Variants in SUPT3H observed in about 807,000 individuals in gnomAD.
SUPT3H encodes SPT3 homolog, SAGA and STAGA complex component, also known as transcription initiation protein SPT3 homolog.
In SUPT3H, 44 loss-of-function variants were observed where a neutral mutation model predicts 44.3. That is an observed-to-expected ratio of 0.99 (90% confidence interval 0.78 to 1.28). The LOEUF (loss-of-function observed/expected upper bound fraction) is 1.28. SUPT3H is among the 50% of genes most tolerant of loss of function. The probability of loss-of-function intolerance (pLI) is 0.00; values close to 1 mark genes in which losing one functional copy is unlikely to be tolerated. For missense variants in SUPT3H, 380 were observed against 387.1 expected (o/e 0.98, Z 0.15); for synonymous variants, 124 against 125.6 (o/e 0.99, Z 0.09).
intron 2 of SUPT3H, among the ~76,000 whole-genome samples, chr6:45,342,773 A>G (rs919954122): frequency 2.6e-5 from 4 of 152,182 alleles, no homozygotes; most frequent in Non-Finnish European, 4.4e-5. Flanking sequence ...TCCTGAACCC[A>G]TACAAAAAAA....
At chr6:45,259,668 G>C (rs1047921888) in intron 2 of SUPT3H, among the ~76,000 whole-genome samples, 2 of 152,064 alleles carry the variant, frequency 1.3e-5, no homozygotes, top group Non-Finnish European at 2.9e-5. Context: ...TTCTAGTAGA[G>C]AAAACTTTAG....
At chr6:44,985,402 T>A (rs1779663715) in intron 6 of SUPT3H, among the ~76,000 whole-genome samples, 1 of 151,592 alleles carries the variant, frequency 6.6e-6, no homozygotes, top group South Asian at 2.1e-4. Context: ...TCCAAAAAGT[T>A]AAAAATAAAA....
chr6:44,839,753 G>A (rs1770590633), intron 10 of SUPT3H, among the ~76,000 whole-genome samples: 1 of 151,570 alleles, frequency 6.6e-6, no homozygotes, highest in African/African-American at 2.4e-5. Context: ...CCAGGCTGGA[G>A]TGCAGTGGCG....
Position 45,195,177 on chromosome 6 carries a change from C to T in SUPT3H, c.102-89171G>A, listed in dbSNP as rs553583544. Among the ~76,000 whole-genome samples, 16 of 152,094 alleles carry T rather than the reference C, an allele frequency of 1.1e-4. No individual in the cohort carries two copies. In the East Asian group the frequency reaches 2.9e-3, roughly 28 times the overall value. ...GGCTAGCTTAATACAAAATAATGGC[C>T]AAGTGATGCTATGATATATTATACA... On this transcript the variant is annotated intron_variant, in intron 2 of 10. Transcript: ENST00000371459.
At chr6:44,931,198 G>A (rs1297702804) in intron 10 of SUPT3H, among the ~76,000 whole-genome samples, 1 of 151,994 alleles carries the variant, frequency 6.6e-6, no homozygotes, top group African/African-American at 2.4e-5. Context: ...ATTACTTTTA[G>A]TTACCATTTT....
At chr6:44,910,999 A>C (rs1181149550) in intron 10 of SUPT3H, among the ~76,000 whole-genome samples, 2 of 139,032 alleles carry the variant, frequency 1.4e-5, no homozygotes, top group African/African-American at 5.2e-5. Context: ...CATCTCAAAA[A>C]AAAAAAAAAA....
intron 2 of SUPT3H, among the ~76,000 whole-genome samples, chr6:45,323,889 A>G (rs1167755743): frequency 6.6e-6 from 1 of 152,092 alleles, no homozygotes; most frequent in Non-Finnish European, 1.5e-5. Flanking sequence ...TCTAAGTACA[A>G]AGGTTCTAAA....
chr6:44,841,645 T>C (rs1172830330), intron 10 of SUPT3H, among the ~76,000 whole-genome samples: 1 of 152,248 alleles, frequency 6.6e-6, no homozygotes, highest in Non-Finnish European at 1.5e-5. Context: ...ATCACGATGG[T>C]ATCTACATAC....
intron 3 of SUPT3H, among the ~76,000 whole-genome samples, chr6:45,023,423 C>T (rs928173005): frequency 4.6e-5 from 7 of 152,122 alleles, no homozygotes; most frequent in Non-Finnish European, 7.4e-5. Flanking sequence ...AATCCTATTA[C>T]TGGGTATATA....
intron 2 of SUPT3H, among the ~76,000 whole-genome samples, chr6:45,284,212 A>T (rs1274740902): frequency 1.3e-5 from 2 of 152,192 alleles, no homozygotes; most frequent in African/African-American, 4.8e-5. Flanking sequence ...ACACATTCAA[A>T]AGCTAGCAGA....
chr6:44,877,778 G>A (rs978898191), intron 10 of SUPT3H, among the ~76,000 whole-genome samples: 3 of 151,962 alleles, frequency 2.0e-5, no homozygotes, highest in African/African-American at 7.3e-5. Flanking sequence ...GTTTATCATT[G>A]TTTTCATAGA....
chr6:45,021,323 G>T (rs913863272), intron 3 of SUPT3H, among the ~76,000 whole-genome samples: 1 of 151,764 alleles, frequency 6.6e-6, no homozygotes, highest in African/African-American at 2.4e-5. Flanking sequence ...GATTTTTCAG[G>T]AATTCATAAG....
intron 10 of SUPT3H, among the ~76,000 whole-genome samples, chr6:44,871,238 A>C (rs1289090005): frequency 8.6e-6 from 1 of 116,946 alleles, no homozygotes; most frequent in African/African-American, 3.2e-5. Context: ...CTGCAGACTT[A>C]AGTGTCCCTG....
intron 2 of SUPT3H, among the ~76,000 whole-genome samples, chr6:45,311,596 T>A (rs1289580192): frequency 6.6e-6 from 1 of 152,168 alleles, no homozygotes; most frequent in Non-Finnish European, 1.5e-5. Context: ...GGAAAACCTA[T>A]CAGATTAACA....
At chr6:44,990,338 G>T (rs1285372763) in intron 6 of SUPT3H, among the ~76,000 whole-genome samples, 5 of 152,036 alleles carry the variant, frequency 3.3e-5, no homozygotes, top group Non-Finnish European at 5.9e-5. Flanking sequence ...TGGTCTCTGT[G>T]TCTGTTTTTA....
chr6:45,017,165 A>G (rs1219770101), intron 4 of SUPT3H, among the ~76,000 whole-genome samples: 3 of 151,492 alleles, frequency 2.0e-5, no homozygotes, highest in Non-Finnish European at 4.4e-5. Flanking sequence ...GTCTGTTCAT[A>G]TCCTTTGCCC....
chr6:45,056,258 G>A (rs1290976609), intron 3 of SUPT3H, among the ~76,000 whole-genome samples: 1 of 152,144 alleles, frequency 6.6e-6, no homozygotes, highest in Non-Finnish European at 1.5e-5. Flanking sequence ...CAACCACTAT[G>A]GAAAACAGTG....
At chr6:45,071,020 T>C (rs961244604) in intron 3 of SUPT3H, among the ~76,000 whole-genome samples, 3 of 152,160 alleles carry the variant, frequency 2.0e-5, no homozygotes, top group Admixed American at 6.6e-5. Context: ...ATAAATATGA[T>C]AAAAAGTAAT....
chr6:45,256,633 C>T (rs954036731), intron 2 of SUPT3H, among the ~76,000 whole-genome samples: 4 of 151,988 alleles, frequency 2.6e-5, no homozygotes, highest in African/African-American at 7.2e-5. Context: ...CTCTAAGGAA[C>T]CACAAATCTG....
Sources: allele counts gnomAD v4.1 joint callset (sites outside exome capture counted in the v4.1 genomes callset), GRCh38; gene constraint gnomAD v4.1.1; transcripts MANE v1.5; gene names NCBI Gene and HGNC (gene_info 2026-07-23, HGNC 2026-07-21).